The following TRAPPC13 variants were observed in gnomAD, a reference collection of about 807,000 sequenced individuals.
The protein encoded by TRAPPC13 is REV7-interacting novel NHEJ regulator 1.
TRAPPC13 carries 39 observed loss-of-function variants against 54.0 expected under a neutral mutation model. The ratio of observed to expected loss-of-function variants is 0.72; its 90% CI spans 0.56 to 0.94. The LOEUF is 0.94. Among genes scored for constraint, TRAPPC13 ranks in the 40% least tolerant of loss-of-function variants. The pLI is 0.00. For synonymous variants in TRAPPC13, 148 were observed against 167.7 expected, an observed-to-expected ratio of 0.88 and a Z score of 0.91; for missense variants, 386 against 488.1, an observed-to-expected ratio of 0.79 and a Z score of 1.97.
At chr5:65,633,305 G>A (rs1327488761) in intron 1 of TRAPPC13, among the ~76,000 whole-genome samples, 1 of 151,680 alleles carries the variant, frequency 6.6e-6, no homozygotes, top group African/African-American at 2.4e-5. Flanking sequence ...TTTTGAGGCG[G>A]GGTCTTGCTC....
At chr5:65,640,962 C>A (rs1049244139) in intron 4 of TRAPPC13, among the ~76,000 whole-genome samples, 3 of 150,202 alleles carry the variant, frequency 2.0e-5, no homozygotes, top group Admixed American at 6.6e-5. Flanking sequence ...GAGAGAGGAT[C>A]TAGCTCTGTC....
chr5:65,648,687 G>A (rs985395033), intron 5 of TRAPPC13, among the ~76,000 whole-genome samples: 1 of 152,094 alleles, frequency 6.6e-6, no homozygotes, highest in Non-Finnish European at 1.5e-5. Flanking sequence ...TACTTAGTCA[G>A]TACTAGGCAG....
At chr5:65,656,486 A>C (rs1012375895) in intron 8 of TRAPPC13, among the ~76,000 whole-genome samples, 3 of 152,064 alleles carry the variant, frequency 2.0e-5, no homozygotes, top group Non-Finnish European at 4.4e-5. Flanking sequence ...AAATCATTTT[A>C]TTTCTATTTT....
chr5:65,631,294 A>G (rs556136710), intron 1 of TRAPPC13, among the ~76,000 whole-genome samples: 2 of 152,330 alleles, frequency 1.3e-5, no homozygotes, highest in East Asian at 3.9e-4. Flanking sequence ...AATGCATGGT[A>G]AACATTCCCT....
intron 5 of TRAPPC13, among the ~76,000 whole-genome samples, chr5:65,648,906 C>T (rs1756308561): frequency 6.6e-6 from 1 of 152,158 alleles, no homozygotes; most frequent in African/African-American, 2.4e-5. Flanking sequence ...ACACAATAGA[C>T]AGTATTTTTT....
chr5:65,643,489 A>G (rs969745396), intron 4 of TRAPPC13, among the ~76,000 whole-genome samples: 2 of 152,044 alleles, frequency 1.3e-5, no homozygotes, highest in African/African-American at 4.8e-5. Context: ...ATTTCTATAT[A>G]TATATTCTAA....
chr5:65,662,822 A>G (rs1478777193), intron 11 of TRAPPC13: 1 of 152,170 alleles, frequency 6.6e-6, no homozygotes, highest in Non-Finnish European at 1.5e-5. Context: ...TATTAGAAAG[A>G]TAGGAAATAT....
Position 65,659,151 on chromosome 5 carries a change from GTTTGT to G in TRAPPC13, c.698+659_698+663del, listed in dbSNP as rs987964810. On this transcript the variant is annotated intron_variant, in intron 9 of 12. Coordinates refer to ENST00000399438, the MANE Select transcript of TRAPPC13 (RefSeq NM_024941.4). ...TATGTTTTATTGTTTTTGGTTTTTG[GTTTGT>G]TTTGTTTTAAGAGACAGGTCTCATT... Among the ~76,000 whole-genome samples, 5 of 152,004 alleles carry G rather than the reference GTTTGT, an allele frequency of 3.3e-5. 1 individual carries two copies. Among genetic ancestry groups the G allele is most frequent in the African/African-American group, 9.7e-5 (4 of 41,386 alleles).
At chr5:65,627,131 CAAAAAAAAAAAAAA>C (rs60169195) in intron 1 of TRAPPC13, among the ~76,000 whole-genome samples, 11 of 32,578 alleles carry the variant, frequency 3.4e-4, no homozygotes, top group Middle Eastern at 0.015. Flanking sequence ...GACCCTGTCT[CAAAAAAAAAAAAAA>C]AAAAAAAAAA....
At chr5:65,657,599 GT>G (rs1321840928) in intron 8 of TRAPPC13, among the ~76,000 whole-genome samples, 5 of 152,104 alleles carry the variant, frequency 3.3e-5, no homozygotes, top group African/African-American at 1.2e-4. Context: ...ATAAAATAAT[GT>G]TTAGCATAAT....
At chr5:65,645,176 C>A (rs165978) in intron 4 of TRAPPC13, among the ~76,000 whole-genome samples, 1 of 144,168 alleles carries the variant, frequency 6.9e-6, no homozygotes, top group African/African-American at 2.6e-5. Flanking sequence ...CCAGCCTGGG[C>A]AACAAGAGTG....
intron 1 of TRAPPC13, chr5:65,625,385 C>G: frequency 2.4e-6 from 1 of 415,242 alleles, no homozygotes; most frequent in South Asian, 4.8e-5. Flanking sequence ...CCGCTCCTAC[C>G]GTGGAGATCT....
At chr5:65,632,866 T>G (rs1206762345) in intron 1 of TRAPPC13, among the ~76,000 whole-genome samples, 1 of 152,232 alleles carries the variant, frequency 6.6e-6, no homozygotes, top group African/African-American at 2.4e-5. Context: ...TTTCTGAAAC[T>G]TACACTTTCA....
intron 1 of TRAPPC13, chr5:65,629,760 C>G: frequency 6.5e-7 from 1 of 1,536,060 alleles, no homozygotes; most frequent in South Asian, 1.2e-5. Context: ...AGATCACCAC[C>G]TGTGATTTCT....
intron 4 of TRAPPC13, among the ~76,000 whole-genome samples, chr5:65,639,923 A>G (rs1224760016): frequency 6.6e-6 from 1 of 152,262 alleles, no homozygotes; most frequent in Non-Finnish European, 1.5e-5. Flanking sequence ...TGATGAGTTC[A>G]GGTAATTGGA....
Position 65,665,724 on chromosome 5 carries a change from TCA to T in TRAPPC13, c.*1117_*1118del, listed in dbSNP as rs752293382. ...TACAAAACTTTCTCTCTCCATGTAA[TCA>T]CACTTAGTTATGAGCAAAGCAGTGA... is the stretch of plus-strand genomic sequence containing the variant. On this transcript the variant is annotated 3_prime_UTR_variant, in exon 13 of 13. Coordinates refer to ENST00000399438, the MANE Select transcript of TRAPPC13 (RefSeq NM_024941.4). 1 of 152,320 alleles carries T rather than the reference TCA, an allele frequency of 6.6e-6. No homozygotes were observed. Among genetic ancestry groups the T allele is most frequent in the East Asian group, 1.9e-4 (1 of 5,190 alleles). 9.4% of individuals were successfully genotyped at this position (152,320 alleles called of 1,614,324 possible). A position where few individuals can be genotyped will look rare whatever the true frequency, so the allele number is the denominator to read the frequency against.
At chr5:65,648,102 A>T (rs1396684457) in intron 5 of TRAPPC13, among the ~76,000 whole-genome samples, 1 of 152,044 alleles carries the variant, frequency 6.6e-6, no homozygotes, top group African/African-American at 2.4e-5. Flanking sequence ...TTCTTAACAA[A>T]CCACAGTAGT....
chr5:65,626,889 A>G (rs1028971718), intron 1 of TRAPPC13, among the ~76,000 whole-genome samples: 1 of 152,068 alleles, frequency 6.6e-6, no homozygotes, highest in Non-Finnish European at 1.5e-5. Flanking sequence ...CACGCCTGTA[A>G]TAGCACTTTG....
chr5:65,642,613 TC>T (rs138901182), intron 4 of TRAPPC13, among the ~76,000 whole-genome samples: 28,838 of 152,158 alleles, frequency 0.19, 3,363 homozygotes, highest in South Asian at 0.31. Flanking sequence ...AAGTTAATTT[TC>T]CTCTGATTCA....
Sources: gnomAD v4.1 joint callset for allele counts (sites outside exome capture counted in the v4.1 genomes callset) on GRCh38, gnomAD v4.1.1 for gene constraint, MANE v1.5 for transcripts, NCBI Gene and HGNC (gene_info 2026-07-23, HGNC 2026-07-21) for gene names.